The following PATL2 variants were observed in gnomAD, a reference collection of about 807,000 sequenced individuals.
PATL2 encodes PAT1 homolog 2, also known as protein PAT1 homolog 2.
A neutral mutation model predicts 77.0 loss-of-function variants in PATL2; 73 were observed. The ratio of observed to expected loss-of-function variants is 0.95; its 90% CI spans 0.78 to 1.15. The LOEUF is 1.15. Among genes scored for constraint, PATL2 ranks in the 50% most tolerant of loss-of-function variants. The probability of loss-of-function intolerance (pLI) is 0.00; values close to 1 mark genes in which losing one functional copy is unlikely to be tolerated. For synonymous variants in PATL2, 265 were observed against 257.1 expected, an observed-to-expected ratio of 1.03 and a Z score of -0.29; for missense variants, 618 against 655.4, an observed-to-expected ratio of 0.94 and a Z score of 0.62.
Position 44,675,539 on chromosome 15 carries a change from C to T in PATL2, c.169G>A (p.Glu57Lys), listed in dbSNP as rs1244927115. The T allele has an allele frequency of 1.9e-6, 3 of 1,551,818 alleles. No individual in the cohort carries two copies. Among genetic ancestry groups the T allele is most frequent in the Non-Finnish European group, 2.6e-6 (3 of 1,147,066 alleles). The stretch of plus-strand genomic sequence containing the variant: ...GCTGGATCCCCAAGATCATTCTCTT[C>T]CTCCTCTAGGTCTGGGTCCAGATCT... Reference protein sequence around the residue: ...DPDLDPDLEEEENDLGDPAVL... With the variant: ...DPDLDPDLEEKENDLGDPAVL... Residue 57 changes from glutamate to lysine, a missense_variant, in exon 5 of 18, where the codon GAA (glutamate) becomes AAA (lysine). Glu to Lys is a moderately conservative substitution (Grantham distance 56). Transcript: ENST00000682850.
At chr15:44,705,410 G>A (rs1382346090) in intron 3 of PATL2, among the ~76,000 whole-genome samples, 1 of 152,154 alleles carries the variant, frequency 6.6e-6, no homozygotes, top group Non-Finnish European at 1.5e-5. Flanking sequence ...TCGAACTCCT[G>A]ACCTCATGAT....
chr15:44,690,369 C>T (rs1453908427), intron 3 of PATL2, among the ~76,000 whole-genome samples: 2 of 150,486 alleles, frequency 1.3e-5, no homozygotes, highest in East Asian at 1.9e-4. Context: ...GACTGGGTCT[C>T]ACTGTGTTGC....
At chr15:44,698,554 A>G (rs971238331) in intron 3 of PATL2, among the ~76,000 whole-genome samples, 3 of 151,960 alleles carry the variant, frequency 2.0e-5, no homozygotes, top group African/African-American at 7.3e-5. Flanking sequence ...TATTGCTGCA[A>G]ATGACAAGAA....
At chr15:44,688,245 C>CA (rs201815058) in intron 3 of PATL2, among the ~76,000 whole-genome samples, 2,024 of 54,852 alleles carry the variant, frequency 0.037, 43 homozygotes, top group African/African-American at 0.085. Flanking sequence ...GACTCTGTCT[C>CA]AAAAAAAAAA....
At chr15:44,704,155 ATTTTT>A (rs374729545) in intron 3 of PATL2, among the ~76,000 whole-genome samples, 1 of 134,042 alleles carries the variant, frequency 7.5e-6, no homozygotes, top group Non-Finnish European at 1.6e-5. Flanking sequence ...TGTCTGGCTA[ATTTTT>A]TTTTTTTTTT....
In PATL2 at chr15:44,669,300, G is replaced by C; in HGVS notation, c.1044C>G (p.Thr348=). The C allele has an allele frequency of 6.4e-7, 1 of 1,551,040 alleles. No homozygotes were observed. The highest frequency in any genetic ancestry group is 1.2e-5 in the South Asian group (1 of 84,040). ...CTCACTCCAGGTTGTTCTGCTCCTG[G>C]GTCTTTAAGGTCTGGAAGAGCTTCT... ...QVEKLFQTLK[T]QEQNNLEEAA... Residue 348 remains threonine, a synonymous_variant, in exon 13 of 18, where the codon ACC becomes ACG. Transcript: ENST00000682850.
At chr15:44,672,816 G>A (rs2085755996) in intron 7 of PATL2, among the ~76,000 whole-genome samples, 1 of 152,200 alleles carries the variant, frequency 6.6e-6, no homozygotes, top group African/African-American at 2.4e-5. Context: ...CTGGAGTGCA[G>A]TGGCATGGTC....
chr15:44,710,314 C>T (rs2141281360), intron 2 of PATL2, among the ~76,000 whole-genome samples, 100 bp from the exon 3 acceptor site: 1 of 152,356 alleles, frequency 6.6e-6, no homozygotes, highest in East Asian at 1.9e-4. Flanking sequence ...TCCAAGATCT[C>T]TGCCCCTCCC....
In PATL2 at chr15:44,674,328, C is replaced by T; in HGVS notation, c.223-98G>A. On this transcript the variant is annotated intron_variant, in intron 5 of 17. Coordinates refer to ENST00000682850, the MANE Select transcript of PATL2 (RefSeq NM_001387263.1). ...GAGGTGGTGGGAGGAAGCAGCAAGA[C>T]CAGGTGTTCCAACATCCAGGGCAGT... 3 of 917,268 alleles carry T rather than the reference C, an allele frequency of 3.3e-6. No homozygotes were observed. In the South Asian group the frequency reaches 5.3e-5, roughly 16 times the overall value. 56.8% of individuals were successfully genotyped at this position (917,268 alleles called of 1,614,324 possible). A position where few individuals can be genotyped will look rare whatever the true frequency, so the allele number is the denominator to read the frequency against.
intron 3 of PATL2, chr15:44,676,956 T>C (rs965589804): frequency 2.4e-5 from 24 of 999,884 alleles, no homozygotes; most frequent in South Asian, 4.2e-5. Flanking sequence ...AAGTCCCAGC[T>C]CCTCCCCTGC....
chr15:44,670,875 C>G (rs1467638689), intron 9 of PATL2, among the ~76,000 whole-genome samples: 4 of 152,224 alleles, frequency 2.6e-5, no homozygotes, highest in African/African-American at 7.2e-5. Context: ...ACAGAACTAG[C>G]TATAGGGAAG....
intron 9 of PATL2, among the ~76,000 whole-genome samples, chr15:44,670,620 T>C (rs1285169560): frequency 1.3e-5 from 2 of 152,182 alleles, no homozygotes; most frequent in Non-Finnish European, 2.9e-5. Flanking sequence ...ATCTTGGAAT[T>C]CACATACCAA....
rs971401413 is a variant in PATL2, at chr15:44,668,357, C to T, written c.1350G>A (p.Val450=). ...GACATGTTACCTGATTCTGAAGCAC[C>T]ACGGTGACTGGCCGCTCTGAGGAGC... ...PPGSSERPVT[V]VLQNQFGISL... is the part of the protein sequence containing the mutation. The change falls in exon 15 of 18, where the codon GTG becomes GTA. Residue 450 remains valine, a synonymous_variant. Transcript: ENST00000682850. 1.3e-6 allele frequency: 2 copies of T among 1,550,706 alleles called. No homozygotes were observed. Among genetic ancestry groups the T allele is most frequent in the African/African-American group, 2.7e-5 (2 of 73,018 alleles).
intron 3 of PATL2, among the ~76,000 whole-genome samples, chr15:44,678,398 GC>G (rs2086043995): frequency 6.6e-6 from 1 of 152,168 alleles, no homozygotes; most frequent in African/African-American, 2.4e-5. Flanking sequence ...AAAGATCACA[GC>G]CCTGCCCTGG....
chr15:44,689,885 C>G (rs1165224809), intron 3 of PATL2, among the ~76,000 whole-genome samples: 2 of 152,062 alleles, frequency 1.3e-5, no homozygotes, highest in Non-Finnish European at 2.9e-5. Context: ...CTCAAAAATA[C>G]TAAAAGAAAA....
At chr15:44,692,014 T>G (rs2086403801) in intron 3 of PATL2, among the ~76,000 whole-genome samples, 1 of 152,082 alleles carries the variant, frequency 6.6e-6, no homozygotes, top group Non-Finnish European at 1.5e-5. Context: ...TAGGTAAAAA[T>G]GTATGGCATG....
At chr15:44,704,228 C>T (rs2086688771) in intron 3 of PATL2, among the ~76,000 whole-genome samples, 1 of 149,572 alleles carries the variant, frequency 6.7e-6, no homozygotes, top group African/African-American at 2.5e-5. Flanking sequence ...GTTTTCCAGG[C>T]TGGTTTCAAA....
chr15:44,675,545 C>A lies in PATL2; in HGVS notation c.163G>T (p.Glu55Ter). 1 of 1,551,966 alleles carries A rather than the reference C, an allele frequency of 6.4e-7. No homozygotes were observed. Among genetic ancestry groups the A allele is most frequent in the Non-Finnish European group, 8.7e-7 (1 of 1,147,060 alleles). The change falls in exon 5 of 18, where the codon GAG becomes TAG. Residue 55 changes from glutamate (E) to a stop codon, truncating the protein, a stop_gained. Transcript: ENST00000682850. LOFTEE classifies it high-confidence loss of function. The part of the protein sequence containing the change: ...DLDPDLDPDL[E>*]EEENDLGDPA... The stretch of plus-strand genomic sequence containing the variant: ...TCCCCAAGATCATTCTCTTCCTCCT[C>A]TAGGTCTGGGTCCAGATCTGGGTCC...
intron 5 of PATL2, 142 bp downstream of exon 5, chr15:44,675,344 C>G (rs2085899639): frequency 1.0e-6 from 1 of 959,834 alleles, no homozygotes; most frequent in Non-Finnish European, 1.5e-6. Context: ...GTCCCTAACT[C>G]AAGTTCAAGG....
Sources: gnomAD v4.1 joint callset for allele counts (sites outside exome capture counted in the v4.1 genomes callset) on GRCh38, gnomAD v4.1.1 for gene constraint, MANE v1.5 for transcripts, NCBI Gene and HGNC (gene_info 2026-07-23, HGNC 2026-07-21) for gene names.